Variants in PCDHA5 observed in about 807,000 individuals in gnomAD.
PCDHA5 encodes the protein protocadherin alpha-5.
In PCDHA5, 43 loss-of-function variants were observed where a neutral mutation model predicts 61.6. The observed-to-expected ratio is 0.70, with a 90% CI of 0.55 to 0.90. The LOEUF is 0.90. Among genes scored for constraint, PCDHA5 ranks in the 40% least tolerant of loss-of-function variants. The pLI is 0.00. For synonymous variants in PCDHA5, 627 were observed against 543.9 expected, an observed-to-expected ratio of 1.15 and a Z score of -2.13; for missense variants, 1,298 against 1,222.7, an observed-to-expected ratio of 1.06 and a Z score of -0.92.
Position 140,824,094 on chromosome 5 carries a change from A to G in PCDHA5, c.2319A>G (p.Pro773=), listed in dbSNP as rs1767995736. ...AAACAGACCTCATGGCCTTCAGTCC[A>G]AGCCTTCCTCAGGGTCCCACCTCTA... ...PPKTDLMAFS[P]SLPQGPTSTD... The change falls in exon 1 of 4, where the codon CCA becomes CCG. Residue 773 remains proline (P), a synonymous_variant. Coordinates refer to ENST00000529859, the MANE Select transcript of PCDHA5 (RefSeq NM_018908.3). 1 of 1,614,038 alleles carries G rather than the reference A, an allele frequency of 6.2e-7. No homozygotes were observed. The highest frequency in any genetic ancestry group is 8.5e-7 in the Non-Finnish European group (1 of 1,180,012).
intron 1 of PCDHA5, among the ~76,000 whole-genome samples, chr5:140,936,010 A>G (rs1470244912): frequency 6.6e-6 from 1 of 150,776 alleles, no homozygotes; most frequent in Non-Finnish European, 1.5e-5. Context: ...CTCCCACCTC[A>G]GCCTCCCGAG....
At chr5:140,843,834 G>C in intron 1 of PCDHA5, 1 of 1,102,920 alleles carries the variant, frequency 9.1e-7, no homozygotes, top group Non-Finnish European at 1.3e-6. Flanking sequence ...ACATTGTTTA[G>C]TTTTTAGAAA....
intron 1 of PCDHA5, chr5:140,835,978 A>G (rs1490395920): frequency 6.2e-7 from 1 of 1,613,260 alleles, no homozygotes; most frequent in African/African-American, 1.3e-5. Context: ...GAGCTGTTGC[A>G]GTTCCAGGTG....
At chr5:140,969,638 G>A (rs1461834971) in intron 1 of PCDHA5, 1 of 210,658 alleles carries the variant, frequency 4.7e-6, no homozygotes, top group African/African-American at 2.4e-5. Context: ...ACAGGCCTTG[G>A]AATAGGGATT....
Position 140,966,719 on chromosome 5 carries a change from G to A in PCDHA5, c.2353-12230G>A, listed in dbSNP as rs373995406. On this transcript the variant is annotated intron_variant, in intron 1 of 3. Coordinates refer to ENST00000529859, the MANE Select transcript of PCDHA5 (RefSeq NM_018908.3). ...CCGGGCGTGGGGCACGGCTGGGGAA[G>A]CTGCCGCCTCCGGCCCTGCCCGGCT... 7.2e-6 allele frequency: 10 copies of A among 1,395,512 alleles called. No individual in the cohort carries two copies. The East Asian group carries it at 1.1e-4, about 16-fold the overall frequency. 86.4% of individuals were successfully genotyped at this position (1,395,512 alleles called of 1,614,324 possible).
chr5:140,933,704 T>C (rs1436562602), intron 1 of PCDHA5, among the ~76,000 whole-genome samples: 1 of 152,084 alleles, frequency 6.6e-6, no homozygotes, highest in African/African-American at 2.4e-5. Flanking sequence ...CGGACACATT[T>C]ACTGAGATTG....
At chr5:140,856,346 G>T in intron 1 of PCDHA5, 1 of 1,598,632 alleles carries the variant, frequency 6.3e-7, no homozygotes, top group Non-Finnish European at 8.6e-7. Context: ...GCGGAGCGTG[G>T]AGTGCAGCAT....
At chr5:140,963,631 G>A (rs1168776991) in intron 1 of PCDHA5, among the ~76,000 whole-genome samples, 2 of 152,144 alleles carry the variant, frequency 1.3e-5, no homozygotes, top group African/African-American at 2.4e-5. Flanking sequence ...TGTTGCATAC[G>A]CATCTTCCCT....
intron 1 of PCDHA5, chr5:140,856,843 T>G: frequency 6.3e-7 from 1 of 1,593,286 alleles, no homozygotes; most frequent in South Asian, 1.1e-5. Context: ...GGCTCAACGC[T>G]TCTGATTCGG....
Position 140,927,005 on chromosome 5 carries a change from A to G in PCDHA5, c.2353-51944A>G, listed in dbSNP as rs1554203909. On this transcript the variant is annotated intron_variant, in intron 1 of 3. Coordinates refer to ENST00000529859, the MANE Select transcript of PCDHA5 (RefSeq NM_018908.3). ...ACGGAGCGGGGCGTAGCCGTAGGCA[A>G]TCTCTCCGCGGACTTGAGGCTGCCA... 6 of 1,612,394 alleles carry G rather than the reference A, an allele frequency of 3.7e-6. No homozygotes were observed. The South Asian group carries it at 4.4e-5, about 12-fold the overall frequency.
rs567902726 is a variant in PCDHA5 at position 140,936,017 on chromosome 5, C to T, written c.2353-42932C>T. Among the ~76,000 whole-genome samples, 12 of 151,854 alleles carry T rather than the reference C, an allele frequency of 7.9e-5. No individual in the cohort carries two copies. The South Asian group carries it at 1.7e-3, about 21-fold the overall frequency. ...AAGCGATTCTCCCACCTCAGCCTCCCGAGTAGCGGGGATTACAGGCACCCA... is the reference window on the plus strand; with the variant it reads ...AAGCGATTCTCCCACCTCAGCCTCCTGAGTAGCGGGGATTACAGGCACCCA... On this transcript the variant is annotated intron_variant, in intron 1 of 3. Coordinates refer to ENST00000529859, the MANE Select transcript of PCDHA5 (RefSeq NM_018908.3).
chr5:140,907,558 A>G (rs2073449629), intron 1 of PCDHA5, among the ~76,000 whole-genome samples: 1 of 152,186 alleles, frequency 6.6e-6, no homozygotes, highest in Non-Finnish European at 1.5e-5. Flanking sequence ...GGTCCAATAT[A>G]ATCAACTTGC....
intron 1 of PCDHA5, among the ~76,000 whole-genome samples, chr5:140,956,777 G>A (rs1470027067): frequency 6.6e-6 from 1 of 152,022 alleles, no homozygotes; most frequent in Admixed American, 6.6e-5. Context: ...GTCTGGTCCT[G>A]GGCTTTGTTT....
intron 1 of PCDHA5, among the ~76,000 whole-genome samples, chr5:140,896,209 T>C (rs1489640114): frequency 6.6e-6 from 1 of 152,238 alleles, no homozygotes; most frequent in African/African-American, 2.4e-5. Context: ...AACATACACA[T>C]ACATGTGTCT....
At chr5:140,891,708 C>T (rs1422243783) in intron 1 of PCDHA5, among the ~76,000 whole-genome samples, 1 of 152,066 alleles carries the variant, frequency 6.6e-6, no homozygotes, top group Admixed American at 6.6e-5. Context: ...TGAATTTGTA[C>T]CCCCAAATTC....
intron 1 of PCDHA5, chr5:140,854,600 A>G (rs1474878225): frequency 6.7e-6 from 1 of 149,994 alleles, no homozygotes; most frequent in African/African-American, 2.4e-5. Flanking sequence ...GTTTAAAGTA[A>G]TTGACACATT....
At chr5:140,865,590 T>G (rs1353926761) in intron 1 of PCDHA5, 3 of 152,234 alleles carry the variant, frequency 2.0e-5, no homozygotes, top group Non-Finnish European at 4.4e-5. Flanking sequence ...AAATCACCAT[T>G]GTTTGAGCAG....
At chr5:140,834,361 G>C in intron 1 of PCDHA5, 1 of 1,551,090 alleles carries the variant, frequency 6.4e-7, no homozygotes, top group Non-Finnish European at 8.7e-7. Context: ...TTGCTGACTA[G>C]AAAAACAAGC....
At chr5:140,904,236 T>G (rs1326424532) in intron 1 of PCDHA5, among the ~76,000 whole-genome samples, 2 of 151,966 alleles carry the variant, frequency 1.3e-5, no homozygotes, top group Non-Finnish European at 2.9e-5. Flanking sequence ...ACTTATGCCT[T>G]TGCATCCTCA....
Sources: allele counts gnomAD v4.1 joint callset (sites outside exome capture counted in the v4.1 genomes callset), GRCh38; gene constraint gnomAD v4.1.1; transcripts MANE v1.5; gene names NCBI Gene and HGNC (gene_info 2026-07-23, HGNC 2026-07-21).